The following STK17A variants were observed in gnomAD, a reference collection of about 807,000 sequenced individuals.
STK17A encodes serine/threonine-protein kinase 17A.
STK17A carries 26 observed loss-of-function variants against 43.7 expected under a neutral mutation model. That is an observed-to-expected ratio of 0.60 (90% CI 0.44 to 0.83). STK17A has a LOEUF of 0.83. Among genes scored for constraint, STK17A ranks in the 40% least tolerant of loss-of-function variants. STK17A has a pLI of 0.00. For missense variants in STK17A, 476 were observed against 511.6 expected, an observed-to-expected ratio of 0.93 and a Z score of 0.67; for synonymous variants, 191 against 182.5, an observed-to-expected ratio of 1.05 and a Z score of -0.38.
chr7:43,594,606 CG>C lies in STK17A; in HGVS notation c.207-1292del, dbSNP rs373542040. Among the ~76,000 whole-genome samples the C allele has an allele frequency of 4.0e-4, 61 of 152,180 alleles. No individual in the cohort carries two copies. The East Asian group carries it at 9.8e-3, about 25-fold the overall frequency. ...AACCTAAGGATTCAGTGGATGTTTA[CG>C]GGTGATGACTATCACAGCTTAATGA... On this transcript the variant is annotated intron_variant, in intron 1 of 6. Transcript: ENST00000319357.
intron 3 of STK17A, among the ~76,000 whole-genome samples, chr7:43,617,988 G>A (rs901184001): frequency 2.6e-5 from 4 of 152,256 alleles, no homozygotes; most frequent in African/African-American, 9.6e-5. Flanking sequence ...TAAGGGAGGG[G>A]TCCAGAAAAA....
Position 43,626,064 on chromosome 7 carries a change from C to T in STK17A, c.*1222C>T, listed in dbSNP as rs2084501531. 2 of 152,062 alleles carry T rather than the reference C, an allele frequency of 1.3e-5. No individual in the cohort carries two copies. Among genetic ancestry groups the T allele is most frequent in the African/African-American group, 2.4e-5 (1 of 41,374 alleles). The allele number at this position is 152,062 out of a possible 1,614,324, so 9.4% of individuals were successfully genotyped here. A position where few individuals can be genotyped will look rare whatever the true frequency, so the allele number is the denominator to read the frequency against. ...AAATGTAAAAGTGTATGCCGAATAC[C>T]TTAAAGTAACTAATTATCCTTACAC... On this transcript the variant is annotated 3_prime_UTR_variant, in exon 7 of 7. Transcript: ENST00000319357.
In STK17A at chr7:43,595,969, T is replaced by C. The variant is rs751162547; in HGVS notation, c.275T>C (p.Met92Thr). The change falls in exon 2 of 7, where the codon ATG becomes ACG. Residue 92 changes from methionine (M) to threonine (T), a missense_variant. By Grantham distance (81) the Met-to-Thr change is moderately conservative. Around this residue, in one of 3 missense-constraint regions of STK17A, gnomAD observed 320 missense variants for 326.3 expected, o/e 0.98. Transcript: ENST00000319357. ...DSGKEFAAKF[M>T]RKRRKGQDCR... ...GGGAAAGAATTTGCTGCAAAGTTCA[T>C]GAGAAAAAGAAGAAAAGGCCAAGAT... 5 of 1,613,908 alleles carry C rather than the reference T, an allele frequency of 3.1e-6. No homozygotes were observed. Among genetic ancestry groups the C allele is most frequent in the East Asian group, 4.5e-5 (2 of 44,820 alleles).
intron 2 of STK17A, among the ~76,000 whole-genome samples, chr7:43,603,835 T>G (rs1429717722): frequency 1.3e-5 from 2 of 152,218 alleles, no homozygotes; most frequent in Admixed American, 1.3e-4. Context: ...ATTTAAAACA[T>G]TGTATAAAAT....
intron 2 of STK17A, among the ~76,000 whole-genome samples, chr7:43,597,964 T>G (rs983135944): frequency 2.0e-5 from 3 of 151,908 alleles, no homozygotes; most frequent in African/African-American, 7.3e-5. Context: ...AAAAGGGGAT[T>G]TATTTAGGAA....
intron 2 of STK17A, among the ~76,000 whole-genome samples, chr7:43,604,716 T>C (rs1221078770): frequency 6.6e-6 from 1 of 152,176 alleles, no homozygotes; most frequent in Admixed American, 6.6e-5. Flanking sequence ...TTTTTGTTTA[T>C]AGTTTTTATC....
Position 43,615,174 on chromosome 7 carries a change from TTTTG to T in STK17A, c.565-4407_565-4404del, listed in dbSNP as rs376400960. On this transcript the variant is annotated intron_variant, in intron 3 of 6. Coordinates refer to ENST00000319357, the MANE Select transcript of STK17A (RefSeq NM_004760.3). Reference sequence around the variant, plus strand: ...TGGTTACTATAGTTTTTGTTTTGTTTTTTGTTTGTTTGTTTGTTTTTGATAGGGT... The same window carrying T: ...TGGTTACTATAGTTTTTGTTTTGTTTTTTGTTTGTTTGTTTTTGATAGGGT... 9.2e-4 allele frequency among the ~76,000 whole-genome samples: 140 copies of T among 152,206 alleles called. 2 individuals carry two copies. Among genetic ancestry groups the T allele is most frequent in the South Asian group, 5.4e-3 (26 of 4,814 alleles).
In STK17A at chr7:43,624,909, G is replaced by A; in HGVS notation, c.*67G>A. On this transcript the variant is annotated 3_prime_UTR_variant, in exon 7 of 7. Coordinates refer to ENST00000319357, the MANE Select transcript of STK17A (RefSeq NM_004760.3). ...ATGTTAATATTATTTATGGACCTCT[G>A]GCCAAATGGTACATGTACTGGAAGT... is the stretch of plus-strand genomic sequence containing the variant. 2.2e-6 allele frequency: 3 copies of A among 1,352,014 alleles called. No homozygotes were observed. The highest frequency in any genetic ancestry group is 3.0e-6 in the Non-Finnish European group (3 of 992,086). 83.8% of individuals were successfully genotyped at this position (1,352,014 alleles called of 1,614,324 possible). A position where few individuals can be genotyped will look rare whatever the true frequency, so the allele number is the denominator to read the frequency against.
chr7:43,597,500 G>GC (rs1395141801), intron 2 of STK17A, among the ~76,000 whole-genome samples: 2 of 152,062 alleles, frequency 1.3e-5, no homozygotes, highest in Non-Finnish European at 1.5e-5. Flanking sequence ...TCCTGCCTCA[G>GC]CCCCCCAAGT....
rs779478171 is a variant in STK17A, at chr7:43,619,731, T to A, written c.691+8T>A. On this transcript the variant is annotated splice_region_variant and intron_variant, in intron 4 of 6. Transcript: ENST00000319357. ...GTACCCCTGAATATGTGGGTAAGTA[T>A]TCATAAAAGTAGTTTTGTTCTGGGG... The A allele has an allele frequency of 1.2e-6, 2 of 1,612,726 alleles. No individual in the cohort carries two copies. Among genetic ancestry groups the A allele is most frequent in the African/African-American group, 2.7e-5 (2 of 74,842 alleles).
At chr7:43,620,258 A>G (rs1400794182) in intron 4 of STK17A, among the ~76,000 whole-genome samples, 1 of 152,238 alleles carries the variant, frequency 6.6e-6, no homozygotes. Context: ...AAAGAAGTCA[A>G]CTATTACTTT....
chr7:43,594,473 AT>A (rs1408707274), intron 1 of STK17A, among the ~76,000 whole-genome samples: 1 of 152,226 alleles, frequency 6.6e-6, no homozygotes, highest in African/African-American at 2.4e-5. Flanking sequence ...TGAAGACCTT[AT>A]TAAGATAATA....
At chr7:43,584,606 G>T (rs191320118) in intron 1 of STK17A, among the ~76,000 whole-genome samples, 1 of 152,074 alleles carries the variant, frequency 6.6e-6, no homozygotes, top group South Asian at 2.1e-4. Flanking sequence ...ATGTAACATT[G>T]GTTATAATGT....
intron 3 of STK17A, among the ~76,000 whole-genome samples, chr7:43,617,823 C>A (rs1438115977): frequency 6.6e-6 from 1 of 152,172 alleles, no homozygotes; most frequent in Non-Finnish European, 1.5e-5. Flanking sequence ...AGAAACCCAG[C>A]ATCCAGTGGA....
intron 1 of STK17A, 149 bp downstream of exon 1, chr7:43,583,598 C>A: frequency 1.4e-6 from 1 of 719,396 alleles, no homozygotes; most frequent in Non-Finnish European, 1.9e-6. Context: ...AACTTGGGTG[C>A]CGACGGCAAG....
At chr7:43,589,280 T>G (rs1264668074) in intron 1 of STK17A, among the ~76,000 whole-genome samples, 1 of 151,392 alleles carries the variant, frequency 6.6e-6, no homozygotes, top group Non-Finnish European at 1.5e-5. Context: ...TCCCTGAAAC[T>G]CACAGTCCAG....
At chr7:43,620,766 GTTT>G (rs950504136) in intron 4 of STK17A, among the ~76,000 whole-genome samples, 7 of 152,168 alleles carry the variant, frequency 4.6e-5, no homozygotes, top group African/African-American at 1.4e-4. Context: ...TGGAAAGGCA[GTTT>G]TTTAGACCAG....
At chr7:43,597,901 G>T (rs2082529045) in intron 2 of STK17A, among the ~76,000 whole-genome samples, 1 of 151,882 alleles carries the variant, frequency 6.6e-6, no homozygotes, top group Non-Finnish European at 1.5e-5. Context: ...CTCCAGCCTG[G>T]GTGACAGAGT....
chr7:43,583,317 G>C lies in STK17A; in HGVS notation c.74G>C (p.Arg25Pro). The C allele has an allele frequency of 2.0e-6, 3 of 1,501,006 alleles. No individual in the cohort carries two copies. The highest frequency in any genetic ancestry group is 2.7e-6 in the Non-Finnish European group (3 of 1,126,306). 93.0% of individuals were successfully genotyped at this position (1,501,006 alleles called of 1,614,324 possible). The change falls in exon 1 of 7, where the codon CGG (arginine) becomes CCG (proline). Residue 25 changes from arginine to proline, a missense_variant. Physicochemically the swap from Arg to Pro is moderately radical, Grantham distance 103. Around this residue, in one of 3 missense-constraint regions of STK17A, gnomAD observed 320 missense variants for 326.3 expected, o/e 0.98. Coordinates refer to ENST00000319357, the MANE Select transcript of STK17A (RefSeq NM_004760.3). ...GATSGSGRAG[R>P]GLSGPCRPPP... ...ACCTCAGGCTCGGGCCGGGCAGGCC[G>C]GGGTCTGAGCGGGCCGTGCCGGCCG... is the stretch of plus-strand genomic sequence containing the variant.
Sources: allele counts gnomAD v4.1 joint callset (sites outside exome capture counted in the v4.1 genomes callset), GRCh38; gene constraint gnomAD v4.1.1; regional missense constraint gnomAD v4.1.1; transcripts MANE v1.5; gene names NCBI Gene and HGNC (gene_info 2026-07-23, HGNC 2026-07-21).